Variants in LRMDA observed in about 807,000 individuals in gnomAD.
LRMDA encodes leucine-rich melanocyte differentiation-associated protein.
A neutral mutation model predicts 29.8 loss-of-function variants in LRMDA; 18 were observed. The ratio of observed to expected loss-of-function variants is 0.60; its 90% confidence interval spans 0.42 to 0.90. The LOEUF (loss-of-function observed/expected upper bound fraction) is 0.90. Among genes scored for constraint, LRMDA ranks in the 40% least tolerant of loss-of-function variants. LRMDA has a pLI of 0.00. For missense variants in LRMDA, 273 were observed against 273.9 expected, an observed-to-expected ratio of 1.00 and a Z score of 0.02; for synonymous variants, 125 against 109.4, an observed-to-expected ratio of 1.14 and a Z score of -0.89.
intron 2 of LRMDA, among the ~76,000 whole-genome samples, chr10:75,845,701 T>TC (rs1844622394): frequency 6.6e-6 from 1 of 152,020 alleles, no homozygotes; most frequent in Non-Finnish European, 1.5e-5. Context: ...TGATTATGGC[T>TC]CCCCCCTGGC....
chr10:76,351,991 C>G (rs1023959487), intron 6 of LRMDA, among the ~76,000 whole-genome samples: 4 of 152,152 alleles, frequency 2.6e-5, no homozygotes, highest in Admixed American at 6.6e-5. Context: ...GGCTTTGCCA[C>G]TTATTGACTC....
chr10:76,054,497 T>A (rs1378032686), intron 4 of LRMDA, among the ~76,000 whole-genome samples: 1 of 152,044 alleles, frequency 6.6e-6, no homozygotes, highest in East Asian at 1.9e-4. Flanking sequence ...AAAATGACAA[T>A]GTGCGGTCTG....
chr10:75,577,726 C>A (rs1840525901), intron 2 of LRMDA, among the ~76,000 whole-genome samples: 1 of 152,034 alleles, frequency 6.6e-6, no homozygotes, highest in Non-Finnish European at 1.5e-5. Context: ...AGAGTGGGGG[C>A]CAATATTCAA....
At chr10:76,009,256 C>A (rs1231487597) in intron 2 of LRMDA, among the ~76,000 whole-genome samples, 1 of 152,208 alleles carries the variant, frequency 6.6e-6, no homozygotes, top group Non-Finnish European at 1.5e-5. Flanking sequence ...ACCCCCACTG[C>A]TTCTGACTCC....
intron 2 of LRMDA, among the ~76,000 whole-genome samples, chr10:75,840,459 G>T (rs1016650683): frequency 6.6e-6 from 1 of 152,240 alleles, no homozygotes; most frequent in Non-Finnish European, 1.5e-5. Context: ...CACTTAGGGA[G>T]TTGTCAACAT....
At chr10:75,469,937 C>T (rs997476700) in intron 2 of LRMDA, among the ~76,000 whole-genome samples, 4 of 151,978 alleles carry the variant, frequency 2.6e-5, no homozygotes, top group African/African-American at 2.4e-5. Context: ...GGCTCACCAC[C>T]TGCAGGGCAC....
rs1842891655 is a variant in LRMDA, at chr10:76,498,575, TG to T, written c.602-58631del. ...ATGAAAACTCTCAGGTTTTGTCAGC[TG>T]GGTCAATCCATTGCCTTTCCAATAC... On this transcript the variant is annotated intron_variant, in intron 6 of 6. Coordinates refer to ENST00000611255, the MANE Select transcript of LRMDA (RefSeq NM_001305581.2). Among the ~76,000 whole-genome samples, 4 of 76,418 alleles carry T rather than the reference TG, an allele frequency of 5.2e-5. 2 individuals carry two copies. The highest frequency in any genetic ancestry group is 1.3e-4 in the African/African-American group (4 of 31,314). 50.1% of individuals were successfully genotyped at this position (76,418 alleles called of 152,430 possible).
At chr10:76,170,222 T>A (rs920542893) in intron 5 of LRMDA, among the ~76,000 whole-genome samples, 1 of 152,154 alleles carries the variant, frequency 6.6e-6, no homozygotes, top group Non-Finnish European at 1.5e-5. Flanking sequence ...TGTTTTAGAC[T>A]CATATAAACT....
chr10:76,108,864 A>G (rs1039904224), intron 5 of LRMDA, among the ~76,000 whole-genome samples: 1 of 152,108 alleles, frequency 6.6e-6, no homozygotes, highest in Non-Finnish European at 1.5e-5. Context: ...TATTTGTCTT[A>G]TTTCTTCAAG....
intron 6 of LRMDA, among the ~76,000 whole-genome samples, chr10:76,394,718 T>C (rs1400562906): frequency 2.0e-5 from 3 of 152,176 alleles, no homozygotes; most frequent in Non-Finnish European, 1.5e-5. Flanking sequence ...ATTCCTACAG[T>C]GCTACTGTTA....
At chr10:75,740,746 G>T (rs1842818892) in intron 2 of LRMDA, among the ~76,000 whole-genome samples, 3 of 152,126 alleles carry the variant, frequency 2.0e-5, no homozygotes, top group Admixed American at 2.0e-4. Context: ...GTGGTGCTTA[G>T]TAAGTAGCCC....
rs760302446 is a variant in LRMDA at position 76,502,708 on chromosome 10, T to G, written c.602-54501T>G. On this transcript the variant is annotated intron_variant, in intron 6 of 6. Transcript: ENST00000611255. ...CTGCTGATTTTTGTACATTGATCTTTGCATCCTGAAACTTTACTACAATTT... is the reference window on the plus strand; with the variant it reads ...CTGCTGATTTTTGTACATTGATCTTGGCATCCTGAAACTTTACTACAATTT... Among the ~76,000 whole-genome samples, 74 of 152,020 alleles carry G rather than the reference T, an allele frequency of 4.9e-4. 1 individual carries two copies. Among genetic ancestry groups the G allele is most frequent in the Non-Finnish European group, 9.1e-4 (62 of 67,856 alleles).
In LRMDA at chr10:76,266,654, A is replaced by G. The variant is rs934217536; in HGVS notation, c.517-57747A>G. Among the ~76,000 whole-genome samples the G allele has an allele frequency of 3.9e-5, 6 of 152,292 alleles. No homozygotes were observed. The East Asian group carries it at 5.8e-4, about 15-fold the overall frequency. On this transcript the variant is annotated intron_variant, in intron 5 of 6. Transcript: ENST00000611255. ...AGCTTAGGTCTGTCTACTAAATTCC[A>G]TGTCTATGACACTAGGCTATCCTGC...
At chr10:75,889,457 T>C (rs1378678698) in intron 2 of LRMDA, among the ~76,000 whole-genome samples, 1 of 152,220 alleles carries the variant, frequency 6.6e-6, no homozygotes, top group Admixed American at 6.5e-5. Flanking sequence ...TTTCCCCTCC[T>C]TGCTTTCTTC....
intron 2 of LRMDA, among the ~76,000 whole-genome samples, chr10:75,713,163 C>G (rs990921654): frequency 4.6e-5 from 7 of 152,130 alleles, no homozygotes; most frequent in African/African-American, 1.7e-4. Context: ...TAACATTTTA[C>G]TTTAAGGTAG....
chr10:75,761,354 A>G (rs555179767), intron 2 of LRMDA, among the ~76,000 whole-genome samples: 1 of 152,366 alleles, frequency 6.6e-6, no homozygotes, highest in East Asian at 1.9e-4. Flanking sequence ...TCCAGCCTTA[A>G]AAAGGAATGA....
chr10:75,764,287 A>G (rs1843133406), intron 2 of LRMDA, among the ~76,000 whole-genome samples: 1 of 152,170 alleles, frequency 6.6e-6, no homozygotes, highest in South Asian at 2.1e-4. Context: ...TCAGCCACAC[A>G]GACTAAATGA....
chr10:75,637,843 C>G (rs1439969024), intron 2 of LRMDA, among the ~76,000 whole-genome samples: 2 of 152,176 alleles, frequency 1.3e-5, no homozygotes, highest in African/African-American at 4.8e-5. Flanking sequence ...GTCAGCCCGG[C>G]TGGCAGGAAC....
intron 6 of LRMDA, among the ~76,000 whole-genome samples, chr10:76,337,366 C>A (rs965605196): frequency 2.0e-5 from 3 of 152,122 alleles, no homozygotes; most frequent in Non-Finnish European, 2.9e-5. Context: ...AGATCAAGGG[C>A]ATGAGAGAGT....
Sources: allele counts gnomAD v4.1 joint callset (sites outside exome capture counted in the v4.1 genomes callset), GRCh38; gene constraint gnomAD v4.1.1; transcripts MANE v1.5; gene names NCBI Gene and HGNC (gene_info 2026-07-23, HGNC 2026-07-21).